APBB1IP: variants seen among roughly 807,000 people sequenced by gnomAD.
APBB1IP encodes the protein amyloid beta precursor protein binding family B member 1 interacting protein.
APBB1IP carries 27 observed loss-of-function variants against 64.9 expected under a neutral mutation model. The ratio of observed to expected loss-of-function variants is 0.42; its 90% CI spans 0.31 to 0.57. APBB1IP has a LOEUF of 0.57. APBB1IP is among the 20% of genes least tolerant of loss of function. The pLI is 0.20. For missense variants in APBB1IP, 812 were observed against 845.5 expected (o/e 0.96, Z 0.49); for synonymous variants, 392 against 331.0 (o/e 1.18, Z -2.00).
intron 10 of APBB1IP, among the ~76,000 whole-genome samples, chr10:26,537,130 C>G (rs1193514357): frequency 6.6e-6 from 1 of 151,722 alleles, no homozygotes; most frequent in Non-Finnish European, 1.5e-5. Context: ...CATCAGCTCT[C>G]TCTAAGACCT....
chr10:26,450,759 A>C (rs1396088218), intron 2 of APBB1IP, among the ~76,000 whole-genome samples: 1 of 148,746 alleles, frequency 6.7e-6, no homozygotes, highest in East Asian at 2.0e-4. Context: ...ACAATGGCTC[A>C]ATCTAAGCTC....
chr10:26,519,341 G>A (rs1226168476), intron 8 of APBB1IP, among the ~76,000 whole-genome samples: 1 of 152,174 alleles, frequency 6.6e-6, no homozygotes, highest in Admixed American at 6.5e-5. Context: ...TCTGCAAGCT[G>A]TACAGGAAGC....
intron 2 of APBB1IP, among the ~76,000 whole-genome samples, chr10:26,469,178 G>A (rs1286688873): frequency 6.9e-6 from 1 of 145,550 alleles, no homozygotes; most frequent in Non-Finnish European, 1.5e-5. Flanking sequence ...CACATACATT[G>A]TATAGCTGTA....
At chr10:26,551,419 G>T (rs1836829297) in intron 11 of APBB1IP, among the ~76,000 whole-genome samples, 1 of 152,190 alleles carries the variant, frequency 6.6e-6, no homozygotes, top group African/African-American at 2.4e-5. Flanking sequence ...TCCAACTGCG[G>T]TTTCACTCAT....
intron 3 of APBB1IP, among the ~76,000 whole-genome samples, chr10:26,493,539 C>T (rs1479568036): frequency 6.6e-6 from 1 of 152,210 alleles, no homozygotes; most frequent in East Asian, 1.9e-4. Flanking sequence ...ATGGCTTCAG[C>T]CGGTCCCTCC....
intron 10 of APBB1IP, among the ~76,000 whole-genome samples, chr10:26,538,519 T>C (rs1215920161): frequency 6.6e-6 from 1 of 151,510 alleles, no homozygotes; most frequent in Non-Finnish European, 1.5e-5. Flanking sequence ...CGGGCGCCTG[T>C]AATCCCAGCT....
chr10:26,496,231 A>T, intron 3 of APBB1IP, 73 bp from the exon 4 acceptor site: 1 of 1,138,732 alleles, frequency 8.8e-7, no homozygotes, highest in Admixed American at 1.9e-5. Context: ...ATGGTTTTTG[A>T]CTTGCTGAGT....
chr10:26,562,734 C>A (rs868819751), intron 14 of APBB1IP, among the ~76,000 whole-genome samples: 1 of 152,002 alleles, frequency 6.6e-6, no homozygotes, highest in Non-Finnish European at 1.5e-5. Context: ...GAGGTTAAGG[C>A]GGCAGTGATC....
Position 26,516,669 on chromosome 10 carries a change from C to T in APBB1IP, c.813+3009C>T, listed in dbSNP as rs1225341426. Among the ~76,000 whole-genome samples, 13 of 151,794 alleles carry T rather than the reference C, an allele frequency of 8.6e-5. No homozygotes were observed. The East Asian group carries it at 2.5e-3, about 29-fold the overall frequency. ...AGAGTGAATGGCTGTATTCCTCTCG[C>T]ACTCAGTAAGTTGGAACTTCACAGA... On this transcript the variant is annotated intron_variant, in intron 8 of 14. Coordinates refer to ENST00000376236, the MANE Select transcript of APBB1IP (RefSeq NM_019043.4).
chr10:26,463,411 G>A (rs1835615184), intron 2 of APBB1IP, among the ~76,000 whole-genome samples: 1 of 152,184 alleles, frequency 6.6e-6, no homozygotes, highest in African/African-American at 2.4e-5. Flanking sequence ...CTGTACTCCA[G>A]CCTGAGTGAC....
intron 2 of APBB1IP, among the ~76,000 whole-genome samples, chr10:26,466,665 G>T (rs1460404413): frequency 6.6e-6 from 1 of 152,270 alleles, no homozygotes; most frequent in East Asian, 1.9e-4. Flanking sequence ...GCCAGGCATG[G>T]TGGTACATAC....
chr10:26,472,569 TTTCATTCATTCA>T (rs57015999), intron 2 of APBB1IP, among the ~76,000 whole-genome samples: 1 of 149,536 alleles, frequency 6.7e-6, no homozygotes, highest in Non-Finnish European at 1.5e-5. Context: ...ATCGTGTTTG[TTTCATTCATTCA>T]TTCATTCATT....
At chr10:26,453,315 G>A (rs1012198988) in intron 2 of APBB1IP, among the ~76,000 whole-genome samples, 1 of 152,152 alleles carries the variant, frequency 6.6e-6, no homozygotes, top group Admixed American at 6.5e-5. Flanking sequence ...GTAAGGCAAG[G>A]TTTAATGAGA....
At chr10:26,502,320 T>C (rs1165072075) in intron 5 of APBB1IP, among the ~76,000 whole-genome samples, 2 of 152,222 alleles carry the variant, frequency 1.3e-5, no homozygotes, top group Admixed American at 6.5e-5. Context: ...TCAGTGCTTT[T>C]GTTTTTTGGT....
intron 8 of APBB1IP, among the ~76,000 whole-genome samples, chr10:26,516,282 C>G (rs532721044): frequency 6.6e-6 from 1 of 152,090 alleles, no homozygotes; most frequent in East Asian, 1.9e-4. Flanking sequence ...ATGCCAGGCA[C>G]GGTGGCTCCC....
chr10:26,458,980 G>C (rs1835558389), intron 2 of APBB1IP, among the ~76,000 whole-genome samples: 1 of 151,440 alleles, frequency 6.6e-6, no homozygotes, highest in Non-Finnish European at 1.5e-5. Context: ...GGGTACATGT[G>C]CACAATGTGC....
At chr10:26,458,931 C>A (rs923365993) in intron 2 of APBB1IP, among the ~76,000 whole-genome samples, 4 of 150,782 alleles carry the variant, frequency 2.7e-5, no homozygotes, top group Non-Finnish European at 5.9e-5. Context: ...TGGTTATTTT[C>A]TTTTCTTTTC....
intron 2 of APBB1IP, among the ~76,000 whole-genome samples, chr10:26,443,552 A>G (rs908729651): frequency 1.1e-4 from 16 of 152,146 alleles, no homozygotes; most frequent in African/African-American, 3.9e-4. Flanking sequence ...TTATTCATTC[A>G]TTCATTCATT....
At chr10:26,463,906 G>C (rs149588206) in intron 2 of APBB1IP, among the ~76,000 whole-genome samples, 2 of 152,004 alleles carry the variant, frequency 1.3e-5, no homozygotes, top group African/African-American at 4.8e-5. Context: ...CCCCAACCCC[G>C]GACAGGCCCT....
Sources: gnomAD v4.1 joint callset for allele counts (sites outside exome capture counted in the v4.1 genomes callset) on GRCh38, gnomAD v4.1.1 for gene constraint, MANE v1.5 for transcripts, NCBI Gene and HGNC (gene_info 2026-07-23, HGNC 2026-07-21) for gene names.